The following TRAK1 variants were observed in gnomAD, a reference collection of about 807,000 sequenced individuals.
The protein encoded by TRAK1 is trafficking kinesin-binding protein 1.
In TRAK1, 33 loss-of-function variants were observed where a neutral mutation model predicts 92.1. That is an observed-to-expected ratio of 0.36 (90% confidence interval 0.27 to 0.48). The LOEUF is 0.48. TRAK1 is among the 20% of genes least tolerant of loss of function. The probability of loss-of-function intolerance (pLI) is 0.99; values close to 1 mark genes in which losing one functional copy is unlikely to be tolerated. For synonymous variants in TRAK1, 521 were observed against 517.3 expected (o/e 1.01, Z -0.10); for missense variants, 1,123 against 1,257.9 (o/e 0.89, Z 1.62).
At chr3:42,211,267 G>C in intron 14 of TRAK1, 1 of 985,316 alleles carries the variant, frequency 1.0e-6, no homozygotes, top group Non-Finnish European at 1.2e-6. Flanking sequence ...GTGGTCAAGG[G>C]ATTTTACTTG....
At chr3:42,157,117 A>G (rs1005430541) in intron 2 of TRAK1, among the ~76,000 whole-genome samples, 4 of 151,212 alleles carry the variant, frequency 2.6e-5, no homozygotes, top group Admixed American at 6.6e-5. Flanking sequence ...GCACCACTGC[A>G]CTCCAGCCTG....
intron 1 of TRAK1, among the ~76,000 whole-genome samples, chr3:42,102,474 G>A (rs1372388868): frequency 6.6e-6 from 1 of 152,156 alleles, no homozygotes; most frequent in Non-Finnish European, 1.5e-5. Flanking sequence ...TAAGGGTATG[G>A]TACTGATGCT....
intron 7 of TRAK1, among the ~76,000 whole-genome samples, chr3:42,192,643 G>C (rs1472215433): frequency 6.6e-6 from 1 of 152,210 alleles, no homozygotes; most frequent in Non-Finnish European, 1.5e-5. Flanking sequence ...TGTGCAGTCA[G>C]TAGTTCCTTT....
intron 12 of TRAK1, among the ~76,000 whole-genome samples, chr3:42,201,909 C>T (rs1707671879): frequency 6.6e-6 from 1 of 151,712 alleles, no homozygotes; most frequent in Admixed American, 6.6e-5. Flanking sequence ...CACACACACA[C>T]ACACACACAC....
intron 14 of TRAK1, chr3:42,217,499 A>G (rs1709852380): frequency 1.7e-5 from 17 of 985,386 alleles, no homozygotes; most frequent in Non-Finnish European, 1.9e-5. Context: ...CTACGTCTCT[A>G]AAATGTCCAT....
intron 1 of TRAK1, among the ~76,000 whole-genome samples, chr3:42,110,310 T>C (rs1435147970): frequency 6.6e-6 from 1 of 150,988 alleles, no homozygotes; most frequent in Non-Finnish European, 1.5e-5. Context: ...GGTGTGTATG[T>C]GTGTGTGTTG....
chr3:42,200,275 G>C (rs936106007), intron 11 of TRAK1, among the ~76,000 whole-genome samples: 1 of 152,178 alleles, frequency 6.6e-6, no homozygotes, highest in African/African-American at 2.4e-5. Flanking sequence ...CATCAAAGTG[G>C]TTCTGCTCCT....
At chr3:42,130,640 C>T (rs778037881) in intron 2 of TRAK1, among the ~76,000 whole-genome samples, 12 of 152,034 alleles carry the variant, frequency 7.9e-5, no homozygotes, top group Non-Finnish European at 1.5e-4. Context: ...CTGGGTTGGA[C>T]CAATGCAGGC....
At chr3:42,138,954 A>G (rs4974007) in intron 2 of TRAK1, among the ~76,000 whole-genome samples, 73,098 of 141,340 alleles carry the variant, frequency 0.52, 18,670 homozygotes, top group South Asian at 0.61. Flanking sequence ...TGGAACATCA[A>G]AGAGTCTGTT....
At chr3:42,186,343 C>G (rs2149402086) in intron 4 of TRAK1, among the ~76,000 whole-genome samples, 1 of 152,242 alleles carries the variant, frequency 6.6e-6, no homozygotes, top group South Asian at 2.1e-4. Flanking sequence ...TGTTCATGTT[C>G]CTAAGATGTA....
At chr3:42,033,348 A>G (rs976202707) in intron 1 of TRAK1, among the ~76,000 whole-genome samples, 1 of 152,164 alleles carries the variant, frequency 6.6e-6, no homozygotes, top group Non-Finnish European at 1.5e-5. Context: ...GGAAGCCTGA[A>G]CCTCAAATTC....
In TRAK1 at chr3:42,223,926, C is replaced by G. The variant is rs544253143; in HGVS notation, c.*189C>G. 1.4e-4 allele frequency: 96 copies of G among 688,692 alleles called. No individual in the cohort carries two copies. In the African/African-American group the frequency reaches 1.6e-3, roughly 12 times the overall value. 42.7% of individuals were successfully genotyped at this position (688,692 alleles called of 1,614,324 possible). A position where few individuals can be genotyped will look rare whatever the true frequency, so the allele number is the denominator to read the frequency against. ...AACTTTGTAAAATGTGTACATAGGA[C>G]TTGGAGACCTTGTGTCCGCCCTGCT... On this transcript the variant is annotated 3_prime_UTR_variant, in exon 16 of 16. Coordinates refer to ENST00000327628, the MANE Select transcript of TRAK1 (RefSeq NM_001042646.3). The surrounding 1 kb of genome is among the most constrained non-coding windows in gnomAD (Gnocchi z 6.1).
intron 1 of TRAK1, among the ~76,000 whole-genome samples, chr3:42,107,140 A>G (rs1358192045): frequency 3.9e-5 from 6 of 152,244 alleles, no homozygotes; most frequent in African/African-American, 1.4e-4. Context: ...GCAGCTGCTC[A>G]GGCTACCTTG....
intron 2 of TRAK1, among the ~76,000 whole-genome samples, chr3:42,155,267 TAAG>T (rs1188739997): frequency 6.6e-6 from 1 of 152,088 alleles, no homozygotes; most frequent in Admixed American, 6.6e-5. Context: ...ACATGTTTAA[TAAG>T]GTGTGCAGAT....
At chr3:42,117,823 T>C (rs1228270912) in intron 1 of TRAK1, among the ~76,000 whole-genome samples, 1 of 85,108 alleles carries the variant, frequency 1.2e-5, no homozygotes, top group Non-Finnish European at 2.6e-5. Context: ...TTTCTTCTTT[T>C]CTTTTTTTTT....
intron 7 of TRAK1, among the ~76,000 whole-genome samples, chr3:42,192,335 A>C (rs866046680): frequency 6.6e-5 from 10 of 152,186 alleles, no homozygotes; most frequent in South Asian, 4.1e-4. Flanking sequence ...TTGCAAATAA[A>C]TATTTCTCTC....
intron 1 of TRAK1, among the ~76,000 whole-genome samples, chr3:42,030,808 A>G (rs1195776214): frequency 6.7e-6 from 1 of 149,220 alleles, no homozygotes; most frequent in Non-Finnish European, 1.5e-5. Context: ...TTTGAGAACT[A>G]GGTGGAAGCA....
intron 1 of TRAK1, among the ~76,000 whole-genome samples, chr3:42,015,014 G>C (rs73828510): frequency 0.019 from 2,949 of 152,254 alleles, 82 homozygotes; most frequent in African/African-American, 0.067. Flanking sequence ...GCAGCGAAGA[G>C]GAAGGTGCTC....
At chr3:42,032,782 G>T (rs920755318) in intron 1 of TRAK1, among the ~76,000 whole-genome samples, 87 of 152,272 alleles carry the variant, frequency 5.7e-4, no homozygotes, top group African/African-American at 1.6e-3. Context: ...TGGCTGCCAG[G>T]CATAGCGGTG....
Sources: gnomAD v4.1 joint callset for allele counts (sites outside exome capture counted in the v4.1 genomes callset) on GRCh38, gnomAD v4.1.1 for gene constraint, Gnocchi (gnomAD v3.1) non-coding constraint, MANE v1.5 for transcripts, NCBI Gene and HGNC (gene_info 2026-07-23, HGNC 2026-07-21) for gene names.